Variants in GRAMD1B observed in about 807,000 individuals in gnomAD.
GRAMD1B encodes protein Aster-B.
GRAMD1B carries 37 observed loss-of-function variants against 99.7 expected under a neutral mutation model. The observed-to-expected ratio is 0.37, with a 90% CI of 0.29 to 0.49. GRAMD1B has a LOEUF of 0.49. Among genes scored for constraint, GRAMD1B ranks in the 20% least tolerant of loss-of-function variants. GRAMD1B has a pLI of 0.98. For synonymous variants in GRAMD1B, 427 were observed against 387.6 expected, an observed-to-expected ratio of 1.10 and a Z score of -1.19; for missense variants, 888 against 1,009.2, an observed-to-expected ratio of 0.88 and a Z score of 1.63.
intron 1 of GRAMD1B, among the ~76,000 whole-genome samples, chr11:123,415,095 C>CTTTTTTTTTTTT (rs1175202539): frequency 4.2e-4 from 32 of 75,832 alleles, no homozygotes; most frequent in Non-Finnish European, 5.6e-4. Context: ...CTTTTTCTTT[C>CTTTTTTTTTTTT]TTTTTTTTTT....
intron 2 of GRAMD1B, among the ~76,000 whole-genome samples, chr11:123,557,780 C>T (rs1946308635): frequency 6.6e-6 from 1 of 152,150 alleles, no homozygotes; most frequent in South Asian, 2.1e-4. Flanking sequence ...TAATACAAAC[C>T]ATGAAAATAC....
chr11:123,492,756 A>G lies in GRAMD1B; in HGVS notation c.452+11863A>G, dbSNP rs1017751539. On this transcript the variant is annotated intron_variant, in intron 2 of 19. Transcript: ENST00000635736. The surrounding 1 kb of genome is among the most constrained non-coding windows in gnomAD (Gnocchi z 4.2). ...ATGAAGTGAGGAGAGAAAAGGAAGG[A>G]GAAAGGCAGAAAGAGGGGCCAAATG... Among the ~76,000 whole-genome samples the G allele has an allele frequency of 5.9e-5, 9 of 152,116 alleles. No individual in the cohort carries two copies. The highest frequency in any genetic ancestry group is 1.9e-4 in the African/African-American group (8 of 41,416).
At chr11:123,552,273 C>CT (rs71060514) in intron 2 of GRAMD1B, among the ~76,000 whole-genome samples, 10,847 of 119,300 alleles carry the variant, frequency 0.091, 547 homozygotes, top group East Asian at 0.26. Flanking sequence ...CTCTTTCTTT[C>CT]TTTTTTTTTT....
chr11:123,548,291 A>ATAT (rs1945216068), intron 2 of GRAMD1B, among the ~76,000 whole-genome samples: 2 of 75,138 alleles, frequency 2.7e-5, no homozygotes, highest in Non-Finnish European at 4.9e-5. Context: ...GCTGTGCCAA[A>ATAT]ATATATATAT....
intron 2 of GRAMD1B, among the ~76,000 whole-genome samples, chr11:123,504,707 G>T (rs932844893): frequency 4.6e-5 from 7 of 152,096 alleles, no homozygotes; most frequent in African/African-American, 1.7e-4. Context: ...TTTGAGACAA[G>T]ATCTGGCTCT....
At chr11:123,370,239 C>T (rs1012098776) in intron 1 of GRAMD1B, among the ~76,000 whole-genome samples, 4 of 151,534 alleles carry the variant, frequency 2.6e-5, no homozygotes, top group Non-Finnish European at 1.5e-5. Context: ...TCGCTTGAAC[C>T]CAGGAGGTGG....
intron 1 of GRAMD1B, among the ~76,000 whole-genome samples, chr11:123,409,679 C>A (rs192692923): frequency 2.1e-4 from 32 of 152,274 alleles, no homozygotes; most frequent in Middle Eastern, 3.4e-3. Flanking sequence ...TGAAACTCTG[C>A]GACTTCTGCC....
chr11:123,418,819 C>G (rs1461789165), intron 1 of GRAMD1B, among the ~76,000 whole-genome samples: 1 of 152,200 alleles, frequency 6.6e-6, no homozygotes, highest in African/African-American at 2.4e-5. Flanking sequence ...CAGCCCTGTT[C>G]CTTGTCCTCC....
intron 4 of GRAMD1B, among the ~76,000 whole-genome samples, chr11:123,593,680 A>G (rs1425461185): frequency 6.6e-6 from 1 of 152,240 alleles, no homozygotes; most frequent in Middle Eastern, 3.4e-3. Flanking sequence ...GGGCAACATC[A>G]TGGGGGGCTG....
At chr11:123,395,688 C>G (rs1481285421) in intron 1 of GRAMD1B, among the ~76,000 whole-genome samples, 2 of 152,152 alleles carry the variant, frequency 1.3e-5, no homozygotes, top group Non-Finnish European at 2.9e-5. Context: ...GCACCTCAGA[C>G]CAAAGAGATG....
intron 2 of GRAMD1B, chr11:123,525,973 G>A: frequency 1.6e-6 from 1 of 614,830 alleles, no homozygotes; most frequent in Non-Finnish European, 3.0e-6. Context: ...AGGGGCAGTG[G>A]CAGCAGTTCT....
At chr11:123,545,240 C>T (rs1944936526) in intron 2 of GRAMD1B, among the ~76,000 whole-genome samples, 1 of 152,256 alleles carries the variant, frequency 6.6e-6, no homozygotes, top group Admixed American at 6.5e-5. Flanking sequence ...GGACTGCAGG[C>T]ACCCTTTCTC....
intron 11 of GRAMD1B, among the ~76,000 whole-genome samples, chr11:123,607,646 C>T (rs772593172): frequency 4.2e-4 from 64 of 151,954 alleles, no homozygotes; most frequent in African/African-American, 1.2e-3. Context: ...ATACCCGCTG[C>T]GCTGCACTTG....
intron 1 of GRAMD1B, among the ~76,000 whole-genome samples, chr11:123,467,837 CCCTCCCTT>C (rs1565523968): frequency 1.9e-5 from 1 of 52,588 alleles, no homozygotes; most frequent in Admixed American, 2.3e-4. Context: ...CTCCCTCCCT[CCCTCCCTT>C]CCTTCCTTCC....
intron 2 of GRAMD1B, among the ~76,000 whole-genome samples, chr11:123,534,609 TC>T (rs1943758429): frequency 6.6e-6 from 1 of 152,102 alleles, no homozygotes; most frequent in Non-Finnish European, 1.5e-5. Flanking sequence ...ATGCTTGTAA[TC>T]CCAGCACTTT....
intron 2 of GRAMD1B, among the ~76,000 whole-genome samples, chr11:123,520,004 C>T (rs1218709227): frequency 6.6e-6 from 1 of 152,242 alleles, no homozygotes; most frequent in Admixed American, 6.5e-5. Context: ...TCAACAGCAG[C>T]ATGCTCTGGT....
chr11:123,467,684 A>T (rs1455643107), intron 1 of GRAMD1B, among the ~76,000 whole-genome samples: 1 of 152,148 alleles, frequency 6.6e-6, no homozygotes, highest in African/African-American at 2.4e-5. Flanking sequence ...TGCCTAAAAC[A>T]TAGTTGGTGG....
rs552020713 is a variant in GRAMD1B, at chr11:123,399,660, A to G, written c.-176+40861A>G. Among the ~76,000 whole-genome samples the G allele has an allele frequency of 2.0e-5, 3 of 152,214 alleles. No individual in the cohort carries two copies. The East Asian group carries it at 5.8e-4, about 29-fold the overall frequency. On this transcript the variant is annotated intron_variant, in intron 1 of 20. Coordinates refer to the GRAMD1B transcript ENST00000638157. ...AGTCTTGCTCTGTTGCCCAGGCTGG[A>G]GTGCAGTGGCATGATCTCGGCTCAC...
At chr11:123,427,270 G>T (rs939104761), upstream of GRAMD1B, among the ~76,000 whole-genome samples, 2 of 152,164 alleles carry the variant, frequency 1.3e-5, no homozygotes, top group Non-Finnish European at 2.9e-5. Flanking sequence ...CCTCTAAACT[G>T]GCTTCAGAAG....
Sources: allele counts gnomAD v4.1 joint callset (sites outside exome capture counted in the v4.1 genomes callset), GRCh38; gene constraint gnomAD v4.1.1; non-coding constraint Gnocchi (gnomAD v3.1); transcripts MANE v1.5; gene names NCBI Gene and HGNC (gene_info 2026-07-23, HGNC 2026-07-21).